The following GSG1L variants were observed in gnomAD, a reference collection of about 807,000 sequenced individuals.
GSG1L encodes the protein GSG1 like, also known as germ cell-specific gene 1-like protein.
In GSG1L, 24 loss-of-function variants were observed where a neutral mutation model predicts 42.1. The ratio of observed to expected loss-of-function variants is 0.57; its 90% confidence interval spans 0.41 to 0.80. The LOEUF (loss-of-function observed/expected upper bound fraction) is 0.80, where lower values mean the gene tolerates loss of function less well. Ranked by LOEUF, GSG1L falls within the 30% of genes least tolerant of loss-of-function variation. The pLI, the probability that GSG1L is intolerant of heterozygous loss-of-function variation, is 0.00. For missense variants in GSG1L, 445 were observed against 472.2 expected (o/e 0.94, Z 0.53); for synonymous variants, 215 against 203.5 (o/e 1.06, Z -0.48).
intron 5 of GSG1L, among the ~76,000 whole-genome samples, chr16:27,816,005 T>G (rs1424147000): frequency 6.6e-6 from 1 of 152,174 alleles, no homozygotes; most frequent in Non-Finnish European, 1.5e-5. Flanking sequence ...TCAAGCTATT[T>G]AGAGCAGGAC....
intron 4 of GSG1L, among the ~76,000 whole-genome samples, chr16:27,844,486 G>C (rs1312113119): frequency 6.6e-6 from 1 of 152,108 alleles, no homozygotes; most frequent in Non-Finnish European, 1.5e-5. Context: ...CAGGGGGTCA[G>C]AGAGTATTTT....
chr16:27,873,220 T>C (rs544836481), intron 3 of GSG1L, among the ~76,000 whole-genome samples: 109 of 152,348 alleles, frequency 7.2e-4, no homozygotes, highest in Non-Finnish European at 1.3e-3. Flanking sequence ...AATCCAAATG[T>C]TTTTTGCAAC....
At chr16:27,920,739 A>G in intron 2 of GSG1L, among the ~76,000 whole-genome samples, 1 of 152,200 alleles carries the variant, frequency 6.6e-6, no homozygotes, top group South Asian at 2.1e-4. Flanking sequence ...GGAACCTGTA[A>G]TTAAATCCCA....
At chr16:27,934,966 C>G (rs1005101300) in intron 2 of GSG1L, among the ~76,000 whole-genome samples, 46 of 152,294 alleles carry the variant, frequency 3.0e-4, no homozygotes, top group African/African-American at 1.1e-3. Context: ...AGGCAGTGCC[C>G]TTGTGGAGTT....
In GSG1L at chr16:28,059,079, C is replaced by T. The variant is rs556460724; in HGVS notation, c.349+3997G>A. Among the ~76,000 whole-genome samples the T allele has an allele frequency of 1.9e-4, 29 of 152,204 alleles. No homozygotes were observed. The highest frequency in any genetic ancestry group is 6.5e-4 in the African/African-American group (27 of 41,492). On this transcript the variant is annotated intron_variant, in intron 1 of 6. Coordinates refer to ENST00000447459, the MANE Select transcript of GSG1L (RefSeq NM_001109763.2). This position sits in a 1 kb window ranked among gnomAD's most constrained non-coding sequence, Gnocchi z 4.4. Reference sequence around the variant, plus strand: ...GCTCAGCCCAGGGTGGCGGCAACACCGAGGTGGTGCTCCCCACTCCCTGCC... The same window carrying T: ...GCTCAGCCCAGGGTGGCGGCAACACTGAGGTGGTGCTCCCCACTCCCTGCC...
rs143746364 is a variant in GSG1L, at chr16:27,918,727, G to A, written c.398-34089C>T. On this transcript the variant is annotated intron_variant, in intron 2 of 6. Coordinates refer to ENST00000447459, the MANE Select transcript of GSG1L (RefSeq NM_001109763.2). ...AAAGAAGATGGTTTGAGGAGGCTGCGAAGATCCAACAAGAAAATGGGCAGG... is the reference window on the plus strand; with the variant it reads ...AAAGAAGATGGTTTGAGGAGGCTGCAAAGATCCAACAAGAAAATGGGCAGG... Among the ~76,000 whole-genome samples the A allele has an allele frequency of 4.5e-3, 684 of 152,106 alleles. 2 individuals are homozygous for A. The highest frequency in any genetic ancestry group is 6.2e-3 in the Non-Finnish European group (422 of 67,960).
chr16:28,058,819 G>T (rs1431667980), intron 1 of GSG1L, among the ~76,000 whole-genome samples: 1 of 152,148 alleles, frequency 6.6e-6, no homozygotes, highest in African/African-American at 2.4e-5. Context: ...CATAATTTAG[G>T]GGACTGGGCA....
At chr16:27,887,018 T>G (rs2084039174) in intron 2 of GSG1L, among the ~76,000 whole-genome samples, 1 of 152,016 alleles carries the variant, frequency 6.6e-6, no homozygotes, top group South Asian at 2.1e-4. Context: ...CACAGTGGTG[T>G]GATCATAGCT....
chr16:27,958,830 A>G (rs2141103227), intron 2 of GSG1L, among the ~76,000 whole-genome samples: 1 of 152,128 alleles, frequency 6.6e-6, no homozygotes, highest in Non-Finnish European at 1.5e-5. Context: ...GCATGCCACC[A>G]TGCCCAGTTA....
At chr16:27,995,761 C>T (rs2085508458) in intron 1 of GSG1L, among the ~76,000 whole-genome samples, 1 of 152,040 alleles carries the variant, frequency 6.6e-6, no homozygotes, top group African/African-American at 2.4e-5. Flanking sequence ...ATTCTCCCAC[C>T]TCAGCCTCCC....
At chr16:27,867,763 C>T (rs546461016) in intron 3 of GSG1L, among the ~76,000 whole-genome samples, 1 of 151,994 alleles carries the variant, frequency 6.6e-6, no homozygotes, top group African/African-American at 2.4e-5. Flanking sequence ...CTCCGGCGGC[C>T]CCACCCACCC....
intron 2 of GSG1L, among the ~76,000 whole-genome samples, chr16:27,947,599 A>AAAAAAGAAAGAG (rs2084899158): frequency 1.2e-5 from 1 of 85,994 alleles, no homozygotes; most frequent in African/African-American, 5.1e-5. Flanking sequence ...GAAAGAAAGA[A>AAAAAAGAAAGAG]AAAGAAAGAA....
intron 1 of GSG1L, among the ~76,000 whole-genome samples, chr16:28,001,397 GAC>G (rs2085576801): frequency 6.6e-6 from 1 of 152,248 alleles, no homozygotes; most frequent in African/African-American, 2.4e-5. Context: ...GTATGCACAA[GAC>G]ACACAGTGTT....
intron 1 of GSG1L, among the ~76,000 whole-genome samples, chr16:28,046,222 G>T (rs1264236353): frequency 2.0e-5 from 3 of 151,924 alleles, no homozygotes; most frequent in Admixed American, 2.0e-4. Context: ...GAGGGGAAAG[G>T]TTTAAACCTG....
intron 3 of GSG1L, among the ~76,000 whole-genome samples, chr16:27,853,022 A>G (rs1489997450): frequency 6.6e-6 from 1 of 152,194 alleles, no homozygotes; most frequent in Non-Finnish European, 1.5e-5. Context: ...ACTAGGAGCA[A>G]CCAGGAGAAG....
At chr16:27,974,752 C>T (rs905002175) in intron 1 of GSG1L, among the ~76,000 whole-genome samples, 6 of 152,126 alleles carry the variant, frequency 3.9e-5, no homozygotes, top group Non-Finnish European at 5.9e-5. Flanking sequence ...ATGACTGAGG[C>T]GAGCCTGTGG....
chr16:27,914,009 A>C (rs2084421994), intron 2 of GSG1L, among the ~76,000 whole-genome samples: 1 of 150,824 alleles, frequency 6.6e-6, no homozygotes. Flanking sequence ...TTTAACGCAT[A>C]TGTAAGTTTC....
At chr16:27,843,350 A>T (rs1206901001) in intron 4 of GSG1L, among the ~76,000 whole-genome samples, 1 of 152,116 alleles carries the variant, frequency 6.6e-6, no homozygotes, top group Non-Finnish European at 1.5e-5. Flanking sequence ...TCATTGGTTC[A>T]GGTTTGGTCA....
chr16:27,845,146 T>A, intron 3 of GSG1L, 85 bp from the exon 4 acceptor site: 1 of 831,854 alleles, frequency 1.2e-6, no homozygotes, highest in Non-Finnish European at 1.9e-6. Context: ...GCTGCCTGCC[T>A]GCCTGTCTGC....
Sources: allele counts gnomAD v4.1 joint callset (sites outside exome capture counted in the v4.1 genomes callset), GRCh38; gene constraint gnomAD v4.1.1; non-coding constraint Gnocchi (gnomAD v3.1); transcripts MANE v1.5; gene names NCBI Gene and HGNC (gene_info 2026-07-23, HGNC 2026-07-21).